Variants in SLC24A2 observed in about 807,000 individuals in gnomAD.
SLC24A2 encodes the protein sodium/potassium/calcium exchanger 2.
Under a neutral mutation model 62.0 loss-of-function variants are expected in SLC24A2, and 36 were observed. The observed-to-expected ratio is 0.58, with a 90% CI of 0.44 to 0.77. The LOEUF is 0.77. Among genes scored for constraint, SLC24A2 ranks in the 30% least tolerant of loss-of-function variants. The pLI, the probability that SLC24A2 is intolerant of heterozygous loss-of-function variation, is 0.00. For missense variants in SLC24A2, 846 were observed against 817.9 expected (o/e 1.03, Z -0.42); for synonymous variants, 358 against 294.0 (o/e 1.22, Z -2.23).
chr9:19,676,643 G>A (rs1402602379), intron 2 of SLC24A2, among the ~76,000 whole-genome samples: 1 of 152,112 alleles, frequency 6.6e-6, no homozygotes, highest in Non-Finnish European at 1.5e-5. Flanking sequence ...AAGACTAGGG[G>A]AAGCAAATAA....
At chr9:19,964,077 G>A in the SLC24A2 span, among the ~76,000 whole-genome samples, 1 of 151,884 alleles carries the variant, frequency 6.6e-6, no homozygotes, top group Non-Finnish European at 1.5e-5. Context: ...TAGGGACATG[G>A]ATGAAATTGG....
the SLC24A2 span, among the ~76,000 whole-genome samples, chr9:19,901,301 T>C: frequency 3.3e-5 from 5 of 152,138 alleles, no homozygotes; most frequent in Non-Finnish European, 5.9e-5. Context: ...CAGGGGATGC[T>C]GTACACAGTA....
At chr9:19,946,649 G>A in the SLC24A2 span, among the ~76,000 whole-genome samples, 29 of 152,348 alleles carry the variant, frequency 1.9e-4, no homozygotes, top group African/African-American at 7.0e-4. Context: ...CACAGTGCCT[G>A]CCTATACCAG....
At position 19,575,657 on chromosome 9, in the gene SLC24A2, A is replaced by G. The variant is rs538807362; in HGVS notation, c.1228+1267T>C. ...CATTGAGAGCCCCAATAACATTAGA[A>G]GAATCCTTGGCATTAAGTGTCCTAC... On this transcript the variant is annotated intron_variant, in intron 6 of 10. Coordinates refer to ENST00000341998, the MANE Select transcript of SLC24A2 (RefSeq NM_020344.4). Among the ~76,000 whole-genome samples, 8 of 152,250 alleles carry G rather than the reference A, an allele frequency of 5.3e-5. 1 individual carries two copies. The highest frequency in any genetic ancestry group is 4.6e-4 in the Admixed American group (7 of 15,288).
At chr9:19,554,903 A>G (rs1835007834) in intron 7 of SLC24A2, among the ~76,000 whole-genome samples, 1 of 152,188 alleles carries the variant, frequency 6.6e-6, no homozygotes, top group Non-Finnish European at 1.5e-5. Flanking sequence ...TGCTTCCGGG[A>G]TAAAGGCACC....
At chr9:20,232,295 G>C in the SLC24A2 span, among the ~76,000 whole-genome samples, 1 of 152,090 alleles carries the variant, frequency 6.6e-6, no homozygotes, top group African/African-American at 2.4e-5. Flanking sequence ...GATTGGAATA[G>C]TTTCAGAAGG....
the SLC24A2 span, among the ~76,000 whole-genome samples, chr9:20,130,880 C>T: frequency 6.6e-6 from 1 of 152,018 alleles, no homozygotes; most frequent in East Asian, 1.9e-4. Context: ...TTTCATTGCC[C>T]ACTCCTGCTT....
At chr9:20,197,449 T>A in the SLC24A2 span, among the ~76,000 whole-genome samples, 1 of 147,958 alleles carries the variant, frequency 6.8e-6, no homozygotes, top group Non-Finnish European at 1.5e-5. Flanking sequence ...TTTTTTTTTT[T>A]GAGACTGGGT....
At chr9:20,033,570 T>C in the SLC24A2 span, among the ~76,000 whole-genome samples, 3 of 152,230 alleles carry the variant, frequency 2.0e-5, no homozygotes, top group Non-Finnish European at 4.4e-5. Flanking sequence ...GAGAACTGAA[T>C]AATTGCTAAA....
At chr9:20,276,480 C>A in the SLC24A2 span, among the ~76,000 whole-genome samples, 6 of 152,220 alleles carry the variant, frequency 3.9e-5, no homozygotes, top group African/African-American at 1.4e-4. Flanking sequence ...CCACTCCTGG[C>A]TGCTTTCATG....
the SLC24A2 span, among the ~76,000 whole-genome samples, chr9:19,812,177 G>GT: frequency 6.6e-6 from 1 of 151,976 alleles, no homozygotes; most frequent in Non-Finnish European, 1.5e-5. Flanking sequence ...ATAACATACT[G>GT]TTTTTTCTTA....
At chr9:19,564,770 T>A (rs570330510) in intron 7 of SLC24A2, among the ~76,000 whole-genome samples, 2 of 152,192 alleles carry the variant, frequency 1.3e-5, no homozygotes, top group African/African-American at 2.4e-5. Context: ...GTTGAATTTT[T>A]AGATTTTCGA....
the SLC24A2 span, among the ~76,000 whole-genome samples, chr9:20,255,044 G>A: frequency 6.6e-6 from 1 of 152,160 alleles, no homozygotes; most frequent in Non-Finnish European, 1.5e-5. Context: ...TACACATGGA[G>A]ATTATTACAA....
the SLC24A2 span, among the ~76,000 whole-genome samples, chr9:20,203,810 C>A: frequency 2.0e-5 from 3 of 152,164 alleles, no homozygotes; most frequent in Admixed American, 2.0e-4. Context: ...GCAGCGGTAC[C>A]TTTATTGTTC....
At chr9:19,597,157 T>TA in intron 5 of SLC24A2, 72 bp downstream of exon 5, 2 of 998,310 alleles carry the variant, frequency 2.0e-6, no homozygotes, top group South Asian at 2.6e-5. Context: ...AAAAAAAGAA[T>TA]AAAAAATGGG....
chr9:19,882,435 T>C, the SLC24A2 span, among the ~76,000 whole-genome samples: 1 of 152,180 alleles, frequency 6.6e-6, no homozygotes, highest in Non-Finnish European at 1.5e-5. Flanking sequence ...TATGGTTCTA[T>C]GTCATCTTGA....
At chr9:19,759,814 A>AT (rs1490132007) in intron 2 of SLC24A2, among the ~76,000 whole-genome samples, 2 of 152,314 alleles carry the variant, frequency 1.3e-5, no homozygotes, top group African/African-American at 4.8e-5. Flanking sequence ...ATATACTGGC[A>AT]TAAATAGGGC....
chr9:19,580,591 T>A (rs563602729), intron 5 of SLC24A2, among the ~76,000 whole-genome samples: 3 of 152,214 alleles, frequency 2.0e-5, no homozygotes, highest in Non-Finnish European at 4.4e-5. Context: ...ATTTTCAGGA[T>A]CTGTTCATTC....
At chr9:19,761,875 C>A (rs1390655157) in intron 2 of SLC24A2, among the ~76,000 whole-genome samples, 1 of 152,126 alleles carries the variant, frequency 6.6e-6, no homozygotes, top group Non-Finnish European at 1.5e-5. Flanking sequence ...TTAATCCAGT[C>A]TATCGTTGTT....
Sources: allele counts gnomAD v4.1 joint callset (sites outside exome capture counted in the v4.1 genomes callset), GRCh38; gene constraint gnomAD v4.1.1; transcripts MANE v1.5; gene names NCBI Gene and HGNC (gene_info 2026-07-23, HGNC 2026-07-21).